LMOD1: variants seen among roughly 807,000 people sequenced by gnomAD.
LMOD1 encodes the protein leiomodin-1.
In LMOD1, 8 loss-of-function variants were observed where a neutral mutation model predicts 36.5. The observed-to-expected ratio is 0.22, with a 90% CI of 0.13 to 0.40. The LOEUF is 0.40. Ranked by LOEUF, LMOD1 falls within the 10% of genes least tolerant of loss-of-function variation. LMOD1 has a pLI of 1.00. For synonymous variants in LMOD1, 284 were observed against 288.7 expected (o/e 0.98, Z 0.17); for missense variants, 630 against 751.1 (o/e 0.84, Z 1.88).
intron 1 of LMOD1, among the ~76,000 whole-genome samples, chr1:201,928,641 A>G (rs987750840): frequency 8.5e-5 from 13 of 152,224 alleles, no homozygotes; most frequent in Admixed American, 3.9e-4. Context: ...ACTTCTCCAG[A>G]TATTTTATGG....
At chr1:201,915,279 C>T (rs936415900) in intron 1 of LMOD1, among the ~76,000 whole-genome samples, 1 of 152,072 alleles carries the variant, frequency 6.6e-6, no homozygotes, top group Non-Finnish European at 1.5e-5. Flanking sequence ...TTATTTTAGG[C>T]CTCCTTTGTT....
intron 1 of LMOD1, among the ~76,000 whole-genome samples, chr1:201,924,134 G>T (rs1034499171): frequency 6.6e-5 from 10 of 150,490 alleles, no homozygotes; most frequent in African/African-American, 2.2e-4. Context: ...GGCTAACACG[G>T]TGAAACCCCA....
chr1:201,931,560 A>T (rs770849519), intron 1 of LMOD1, among the ~76,000 whole-genome samples: 5 of 148,394 alleles, frequency 3.4e-5, no homozygotes, highest in Non-Finnish European at 4.5e-5. Context: ...AAAAAGGGAG[A>T]GAAAGCTTGC....
chr1:201,941,286 A>G (rs549347605), intron 1 of LMOD1, among the ~76,000 whole-genome samples: 2 of 152,296 alleles, frequency 1.3e-5, no homozygotes, highest in Non-Finnish European at 2.9e-5. Flanking sequence ...ATATACATAC[A>G]GAAGAAAACG....
intron 1 of LMOD1, among the ~76,000 whole-genome samples, chr1:201,922,444 A>C (rs1428942727): frequency 6.6e-6 from 1 of 152,220 alleles, no homozygotes; most frequent in Non-Finnish European, 1.5e-5. Context: ...ATCATGGATG[A>C]ACCTTGAAAA....
chr1:201,924,160 C>CA (rs569997969), intron 1 of LMOD1, among the ~76,000 whole-genome samples: 1,517 of 137,256 alleles, frequency 0.011, 12 homozygotes, highest in Non-Finnish European at 0.013. Flanking sequence ...AATAAAATAC[C>CA]AAAAAAAAAA....
In LMOD1 at chr1:201,898,146, T is replaced by G; in HGVS notation, c.*226A>C. ...ACTCTTCTTGTCCAGAAACCTGAGC[T>G]CCATGTACTAAAGCAAAATTTGGAG... is the stretch of plus-strand genomic sequence containing the variant. On this transcript the variant is annotated 3_prime_UTR_variant, in exon 3 of 3. Coordinates refer to ENST00000367288, the MANE Select transcript of LMOD1 (RefSeq NM_012134.3). 1 of 589,220 alleles carries G rather than the reference T, an allele frequency of 1.7e-6. No homozygotes were observed. The highest frequency in any genetic ancestry group is 3.1e-6 in the Non-Finnish European group (1 of 326,654). The allele number at this position is 589,220 out of a possible 1,614,324, so 36.5% of individuals were successfully genotyped here.
rs1011971422 is a variant in LMOD1 at position 201,900,483 on chromosome 1, C to G, written c.530G>C (p.Arg177Thr). The G allele has an allele frequency of 6.2e-7, 1 of 1,613,414 alleles. No individual in the cohort carries two copies. Among genetic ancestry groups the G allele is most frequent in the East Asian group, 2.2e-5 (1 of 44,852 alleles). ...GGTGGCCACTGCCCTCTCCTCTCCT[C>G]TCCCATCCTTCCCTGCCTCCTTCTT... ...VDKKEAGKDG[R>T]GEERAVATKK... Residue 177 changes from arginine to threonine, a missense_variant, in exon 2 of 3, where the codon AGA (arginine) becomes ACA (threonine). Transcript: ENST00000367288.
intron 1 of LMOD1, among the ~76,000 whole-genome samples, chr1:201,936,754 T>TG (rs890481881): frequency 6.6e-6 from 1 of 152,062 alleles, no homozygotes; most frequent in African/African-American, 2.4e-5. Context: ...CTGGCCAACA[T>TG]GGTGAAACCC....
At chr1:201,922,088 A>G (rs1229673426) in intron 1 of LMOD1, among the ~76,000 whole-genome samples, 1 of 152,248 alleles carries the variant, frequency 6.6e-6, no homozygotes, top group Non-Finnish European at 1.5e-5. Flanking sequence ...AAGACAGACA[A>G]TAATAAGTGT....
intron 1 of LMOD1, among the ~76,000 whole-genome samples, chr1:201,906,642 C>T (rs1681417910): frequency 6.6e-6 from 1 of 152,204 alleles, no homozygotes; most frequent in South Asian, 2.1e-4. Flanking sequence ...CGGGGGAGTT[C>T]ACCCACTGCA....
chr1:201,917,200 C>A (rs1681626621), intron 1 of LMOD1, among the ~76,000 whole-genome samples: 1 of 152,118 alleles, frequency 6.6e-6, no homozygotes, highest in Admixed American at 6.6e-5. Flanking sequence ...CTTTAAGGAC[C>A]AGGGTTTCTA....
intron 1 of LMOD1, among the ~76,000 whole-genome samples, chr1:201,944,256 G>C (rs1439611362): frequency 6.6e-6 from 1 of 152,194 alleles, no homozygotes; most frequent in Non-Finnish European, 1.5e-5. Flanking sequence ...AGGCAGGGGA[G>C]GAGACACTTG....
In LMOD1 at chr1:201,925,092, G is replaced by C. The variant is rs1208358441; in HGVS notation, c.261+20988C>G. On this transcript the variant is annotated intron_variant, in intron 1 of 2. Transcript: ENST00000367288. The stretch of plus-strand genomic sequence containing the variant: ...TTAGCCAGCATGGTGGCGCCCACCT[G>C]TAAGCCCAGCTCATGAGGCTCAGGC... Among the ~76,000 whole-genome samples the C allele has an allele frequency of 2.0e-5, 3 of 152,012 alleles. 1 individual carries two copies. The highest frequency in any genetic ancestry group is 1.5e-5 in the Non-Finnish European group (1 of 68,004).
intron 1 of LMOD1, among the ~76,000 whole-genome samples, chr1:201,905,006 G>A (rs535375379): frequency 4.6e-5 from 7 of 152,184 alleles, no homozygotes; most frequent in Admixed American, 6.5e-5. Context: ...TGTTTCTGTC[G>A]CTAGACCTTA....
intron 1 of LMOD1, among the ~76,000 whole-genome samples, chr1:201,901,536 A>ATATATATATACATATATATG (rs1558234623): frequency 9.0e-5 from 4 of 44,606 alleles, no homozygotes; most frequent in African/African-American, 1.9e-4. Context: ...ATATGTATAT[A>ATATATATATACATATATATG]TATATATATA....
At chr1:201,905,757 G>A (rs1374373962) in intron 1 of LMOD1, among the ~76,000 whole-genome samples, 2 of 152,214 alleles carry the variant, frequency 1.3e-5, no homozygotes, top group Non-Finnish European at 2.9e-5. Context: ...ACAGACCCTG[G>A]GGAGAATGGC....
chr1:201,940,036 C>A (rs555768165), intron 1 of LMOD1, among the ~76,000 whole-genome samples: 22 of 152,234 alleles, frequency 1.4e-4, no homozygotes, highest in Admixed American at 1.0e-3. Context: ...ATGCTGGGAG[C>A]AACCTCCCCT....
At chr1:201,907,462 C>T (rs1165186830) in intron 1 of LMOD1, among the ~76,000 whole-genome samples, 2 of 152,222 alleles carry the variant, frequency 1.3e-5, no homozygotes, top group African/African-American at 4.8e-5. Context: ...GAGCCCCTGC[C>T]CCCTTTGCTT....
Sources: gnomAD v4.1 joint callset for allele counts (sites outside exome capture counted in the v4.1 genomes callset) on GRCh38, gnomAD v4.1.1 for gene constraint, MANE v1.5 for transcripts, NCBI Gene and HGNC (gene_info 2026-07-23, HGNC 2026-07-21) for gene names.